The following FRZB variants were observed in gnomAD, a reference collection of about 807,000 sequenced individuals.
FRZB encodes frizzled related protein, also known as secreted frizzled-related protein 3.
A neutral mutation model predicts 32.5 loss-of-function variants in FRZB; 34 were observed. That is an observed-to-expected ratio of 1.05 (90% CI 0.80 to 1.39). The LOEUF (loss-of-function observed/expected upper bound fraction) is 1.39, where lower values mean the gene tolerates loss of function less well. FRZB is among the 40% of genes most tolerant of loss of function. The probability of loss-of-function intolerance (pLI) is 0.00; values close to 1 mark genes in which losing one functional copy is unlikely to be tolerated. For synonymous variants in FRZB, 170 were observed against 159.2 expected, an observed-to-expected ratio of 1.07 and a Z score of -0.51; for missense variants, 423 against 424.8, an observed-to-expected ratio of 1.00 and a Z score of 0.04.
Position 182,866,504 on chromosome 2 carries a change from G to T in FRZB, c.49C>A (p.Leu17Ile). 6.6e-7 allele frequency: 1 copy of T among 1,515,548 alleles called. No individual in the cohort carries two copies. 93.9% of individuals were successfully genotyped at this position (1,515,548 alleles called of 1,614,324 possible). A position where few individuals can be genotyped will look rare whatever the true frequency, so the allele number is the denominator to read the frequency against. Residue 17 changes from leucine to isoleucine, a missense_variant, in exon 1 of 6, where the codon CTT becomes ATT. Physicochemically the swap from Leu to Ile is conservative, Grantham distance 5 (BLOSUM62 2). Transcript: ENST00000295113. This position sits in a 1 kb window ranked among gnomAD's most constrained non-coding sequence, Gnocchi z 4.5. The stretch of plus-strand genomic sequence containing the variant: ...AGCAGGCAGAGAGCAGCCAGGGCAA[G>T]CAGCCCGGCCCGCAGCAGCAGCATC... ...GGMLLLRAGL[L>I]ALAALCLLRV...
intron 5 of FRZB, 47 bp downstream of exon 5, chr2:182,837,901 T>C (rs1228419511): frequency 6.9e-7 from 1 of 1,455,358 alleles, no homozygotes; most frequent in Non-Finnish European, 9.6e-7. Flanking sequence ...TTTTCTACTT[T>C]TGTTTTGTTT....
chr2:182,843,436 T>C (rs909851309), intron 2 of FRZB, among the ~76,000 whole-genome samples: 1 of 152,144 alleles, frequency 6.6e-6, no homozygotes, highest in Non-Finnish European at 1.5e-5. Flanking sequence ...GGAATTAATG[T>C]CAATATAAAA....
chr2:182,866,487 G>T lies in FRZB; in HGVS notation c.66C>A (p.Leu22=), dbSNP rs1473158721. 19 of 1,545,680 alleles carry T rather than the reference G, an allele frequency of 1.2e-5. 1 individual carries two copies. The African/African-American group carries it at 1.8e-4, about 14-fold the overall frequency. ...GAGCCCCGGGCACCCGGAGCAGGCA[G>T]AGAGCAGCCAGGGCAAGCAGCCCGG... ...LRAGLLALAA[L]CLLRVPGARA... is the part of the protein sequence containing the mutation. The change falls in exon 1 of 6, where the codon CTC becomes CTA. Residue 22 remains leucine (L), a synonymous_variant. Transcript: ENST00000295113. This position sits in a 1 kb window ranked among gnomAD's most constrained non-coding sequence, Gnocchi z 4.5.
chr2:182,849,591 C>A (rs1420495030), intron 2 of FRZB, among the ~76,000 whole-genome samples: 1 of 152,016 alleles, frequency 6.6e-6, no homozygotes, highest in African/African-American at 2.4e-5. Flanking sequence ...GACTGGTGAA[C>A]CTAGGCGATA....
chr2:182,842,235 A>T (rs1190950519), intron 3 of FRZB, among the ~76,000 whole-genome samples: 2 of 152,176 alleles, frequency 1.3e-5, no homozygotes, highest in African/African-American at 4.8e-5. Context: ...ACTTAAGTGC[A>T]TGGCTCTAGG....
intron 2 of FRZB, among the ~76,000 whole-genome samples, chr2:182,844,272 T>C (rs1462420850): frequency 6.6e-6 from 1 of 152,194 alleles, no homozygotes; most frequent in Non-Finnish European, 1.5e-5. Context: ...ACATTAGTGC[T>C]TGTTGCTATT....
At chr2:182,841,704 T>C (rs1035835113) in intron 3 of FRZB, among the ~76,000 whole-genome samples, 1 of 152,122 alleles carries the variant, frequency 6.6e-6, no homozygotes, top group Non-Finnish European at 1.5e-5. Context: ...CTCTAAAATA[T>C]ACACCAGCAT....
Position 182,834,580 on chromosome 2 carries a change from A to G in FRZB, c.*269T>C, listed in dbSNP as rs546878236. 6.0e-5 allele frequency: 25 copies of G among 419,438 alleles called. No homozygotes were observed. The highest frequency in any genetic ancestry group is 3.0e-4 in the African/African-American group (15 of 50,430). 26.0% of individuals were successfully genotyped at this position (419,438 alleles called of 1,614,324 possible). A position where few individuals can be genotyped will look rare whatever the true frequency, so the allele number is the denominator to read the frequency against. On this transcript the variant is annotated 3_prime_UTR_variant, in exon 6 of 6. Transcript: ENST00000295113. ...CTGGTAACAGCATGTTTAATTTATT[A>G]TTATTGCAAAAGAACAGTTTTTCTC...
intron 3 of FRZB, among the ~76,000 whole-genome samples, 177 bp downstream of exon 3, chr2:182,842,301 G>T (rs1429146587): frequency 7.2e-5 from 11 of 152,116 alleles, no homozygotes; most frequent in South Asian, 2.1e-4. Flanking sequence ...CATTTTGCCC[G>T]TGTGAGACAT....
Position 182,838,443 on chromosome 2 carries a change from T to C in FRZB, c.763A>G (p.Ile255Val). 1.2e-6 allele frequency: 2 copies of C among 1,612,560 alleles called. No homozygotes were observed. The highest frequency in any genetic ancestry group is 1.1e-5 in the South Asian group (1 of 91,044). The stretch of plus-strand genomic sequence containing the variant: ...TCCTCATCTTCATAGCCCATGATGA[T>C]ATATTCCTCATTAACATTAAGTGGA... The part of the protein sequence containing the change: ...CPPLNVNEEY[I>V]IMGYEDEERS... Residue 255 changes from isoleucine (I) to valine (V), a missense_variant, in exon 4 of 6, where the codon ATC becomes GTC. Physicochemically the swap from Ile to Val is conservative, Grantham distance 29. Coordinates refer to ENST00000295113, the MANE Select transcript of FRZB (RefSeq NM_001463.4).
intron 2 of FRZB, 84 bp from the exon 3 acceptor site, chr2:182,842,627 T>A: frequency 9.7e-7 from 1 of 1,033,244 alleles, no homozygotes; most frequent in Non-Finnish European, 1.5e-6. Flanking sequence ...TTGCTCAGAC[T>A]AGATCTCAAT....
intron 2 of FRZB, among the ~76,000 whole-genome samples, chr2:182,842,821 A>G (rs188392924): frequency 9.2e-5 from 14 of 152,308 alleles, no homozygotes; most frequent in South Asian, 2.1e-4. Context: ...GCATGAGAAG[A>G]GCATGACCCC....
intron 5 of FRZB, among the ~76,000 whole-genome samples, chr2:182,836,991 G>C (rs1468764237): frequency 6.6e-6 from 1 of 151,990 alleles, no homozygotes; most frequent in Non-Finnish European, 1.5e-5. Context: ...CCGCCCAGGG[G>C]TGTTTAACTT....
At position 182,833,813 on chromosome 2, in the gene FRZB, A is replaced by C. The variant is rs531132600; in HGVS notation, c.*1036T>G. ...ACCTTGGGTGTGAGTGCAAGGACAC[A>C]CATGTACACAAATACAGACACACAC... On this transcript the variant is annotated 3_prime_UTR_variant, in exon 6 of 6. Transcript: ENST00000295113. The C allele has an allele frequency of 6.6e-6, 1 of 152,256 alleles. No individual in the cohort carries two copies. Among genetic ancestry groups the C allele is most frequent in the South Asian group, 2.1e-4 (1 of 4,824 alleles). 9.4% of individuals were successfully genotyped at this position (152,256 alleles called of 1,614,324 possible).
intron 5 of FRZB, among the ~76,000 whole-genome samples, chr2:182,837,335 C>T (rs1397877380): frequency 6.6e-6 from 1 of 152,024 alleles, no homozygotes; most frequent in African/African-American, 2.4e-5. Context: ...TGTAGCTACA[C>T]TTTGTACATA....
At chr2:182,856,720 G>A (rs1044517623) in intron 2 of FRZB, among the ~76,000 whole-genome samples, 1 of 151,862 alleles carries the variant, frequency 6.6e-6, no homozygotes, top group Non-Finnish European at 1.5e-5. Flanking sequence ...AATTACCAAG[G>A]ATAAAAGGAC....
chr2:182,854,442 G>C (rs1022341245), intron 2 of FRZB, among the ~76,000 whole-genome samples: 1 of 152,172 alleles, frequency 6.6e-6, no homozygotes, highest in Non-Finnish European at 1.5e-5. Flanking sequence ...TAAAACTATA[G>C]TGGGCTCATC....
intron 2 of FRZB, among the ~76,000 whole-genome samples, chr2:182,845,713 G>A (rs1252945134): frequency 6.6e-6 from 1 of 152,164 alleles, no homozygotes. Context: ...TTGTGGGACA[G>A]AGTGCAGTGC....
At chr2:182,862,148 A>T (rs1479028792) in intron 1 of FRZB, among the ~76,000 whole-genome samples, 2 of 152,196 alleles carry the variant, frequency 1.3e-5, no homozygotes, top group Admixed American at 1.3e-4. Context: ...CTGAGAGTGG[A>T]GAAACGATTA....
Sources: gnomAD v4.1 joint callset for allele counts (sites outside exome capture counted in the v4.1 genomes callset) on GRCh38, gnomAD v4.1.1 for gene constraint, Gnocchi (gnomAD v3.1) non-coding constraint, MANE v1.5 for transcripts, NCBI Gene and HGNC (gene_info 2026-07-23, HGNC 2026-07-21) for gene names.